SGPL1: variants seen among roughly 807,000 people sequenced by gnomAD.
SGPL1 encodes the protein sphingosine-1-phosphate lyase 1, also known as SP-lyase 1.
A neutral mutation model predicts 68.9 loss-of-function variants in SGPL1; 37 were observed. The observed-to-expected ratio is 0.54, with a 90% CI of 0.41 to 0.71. The LOEUF is 0.71. Ranked by LOEUF, SGPL1 falls within the 30% of genes least tolerant of loss-of-function variation. SGPL1 has a pLI of 0.00. For synonymous variants in SGPL1, 236 were observed against 248.5 expected (o/e 0.95, Z 0.47); for missense variants, 551 against 704.6 (o/e 0.78, Z 2.47).
At chr10:70,833,715 G>A (rs1323922078) in intron 2 of SGPL1, among the ~76,000 whole-genome samples, 1 of 152,112 alleles carries the variant, frequency 6.6e-6, no homozygotes, top group Non-Finnish European at 1.5e-5. Context: ...AGTCTCTTCT[G>A]TATTTTAACT....
rs999304976 is a variant in SGPL1 at position 70,880,415 on chromosome 10, T to G, written c.*3080T>G. 2 of 152,182 alleles carry G rather than the reference T, an allele frequency of 1.3e-5. No homozygotes were observed. Among genetic ancestry groups the G allele is most frequent in the African/African-American group, 2.4e-5 (1 of 41,418 alleles). The allele number at this position is 152,182 out of a possible 1,614,324, so 9.4% of individuals were successfully genotyped here. On this transcript the variant is annotated 3_prime_UTR_variant, in exon 15 of 15. Transcript: ENST00000373202. Reference sequence around the variant, plus strand: ...GGACAGGCCCTATCTTATATTTTTTTCCATCTTCATCATCCACTTCTGCTT... The same window carrying G: ...GGACAGGCCCTATCTTATATTTTTTGCCATCTTCATCATCCACTTCTGCTT...
chr10:70,846,593 A>T (rs1007073661), intron 3 of SGPL1, among the ~76,000 whole-genome samples: 1 of 152,128 alleles, frequency 6.6e-6, no homozygotes, highest in African/African-American at 2.4e-5. Context: ...ATAACTGCCC[A>T]TTACTCTCTC....
intron 3 of SGPL1, among the ~76,000 whole-genome samples, chr10:70,849,116 A>G (rs376459080): frequency 1.1e-4 from 16 of 152,162 alleles, no homozygotes; most frequent in African/African-American, 3.4e-4. Context: ...AAATTAGTTT[A>G]TTCTTTTATC....
chr10:70,832,148 G>A (rs79010869), intron 2 of SGPL1, among the ~76,000 whole-genome samples: 10,664 of 152,178 alleles, frequency 0.07, 487 homozygotes, highest in African/African-American at 0.1. Context: ...ACTCTTCCAA[G>A]TATTAATTTT....
At chr10:70,830,593 C>T (rs79016568) in intron 2 of SGPL1, among the ~76,000 whole-genome samples, 2 of 152,280 alleles carry the variant, frequency 1.3e-5, no homozygotes, top group African/African-American at 4.8e-5. Flanking sequence ...CTACAGGAGA[C>T]ACAGGATCTT....
At chr10:70,861,985 C>T (rs183312142) in intron 7 of SGPL1, among the ~76,000 whole-genome samples, 267 of 152,350 alleles carry the variant, frequency 1.8e-3, no homozygotes, top group African/African-American at 5.0e-3. Flanking sequence ...CCCTGCTCCA[C>T]GGCGCCCAGT....
chr10:70,834,907 A>G (rs887976821), intron 2 of SGPL1, among the ~76,000 whole-genome samples: 3 of 152,226 alleles, frequency 2.0e-5, no homozygotes, highest in Non-Finnish European at 2.9e-5. Context: ...GTAGGCCTCA[A>G]TGTCTTCATC....
chr10:70,875,674 A>G (rs1191361570), intron 13 of SGPL1, 126 bp downstream of exon 13: 3 of 649,758 alleles, frequency 4.6e-6, no homozygotes, highest in African/African-American at 3.6e-5. Context: ...ACTGTAGTAT[A>G]TAAAGGATTT....
At chr10:70,860,435 T>C (rs1253135730) in intron 7 of SGPL1, 2 of 468,794 alleles carry the variant, frequency 4.3e-6, no homozygotes, top group African/African-American at 4.0e-5. Flanking sequence ...GTTGGCGCCA[T>C]GAAAATCATC....
intron 13 of SGPL1, among the ~76,000 whole-genome samples, chr10:70,876,048 T>C (rs775590433): frequency 2.0e-4 from 30 of 152,160 alleles, no homozygotes; most frequent in Non-Finnish European, 4.0e-4. Context: ...CTTCCACACG[T>C]TGGTGCATTG....
chr10:70,837,178 A>G (rs1442942170), intron 2 of SGPL1, among the ~76,000 whole-genome samples: 1 of 151,814 alleles, frequency 6.6e-6, no homozygotes, highest in Non-Finnish European at 1.5e-5. Context: ...CCCAGGTTCA[A>G]GCGATTCTCA....
At chr10:70,834,262 G>GC (rs1264886094) in intron 2 of SGPL1, among the ~76,000 whole-genome samples, 5 of 152,174 alleles carry the variant, frequency 3.3e-5, no homozygotes, top group African/African-American at 1.2e-4. Flanking sequence ...GACCCAAGAA[G>GC]ATGATTCGTT....
intron 2 of SGPL1, among the ~76,000 whole-genome samples, chr10:70,829,612 A>C (rs536942961): frequency 6.6e-6 from 1 of 152,148 alleles, no homozygotes; most frequent in East Asian, 1.9e-4. Flanking sequence ...GAATTATCCC[A>C]ATGGCTTCTA....
At chr10:70,871,388 A>G (rs898030123) in intron 10 of SGPL1, among the ~76,000 whole-genome samples, 1 of 152,216 alleles carries the variant, frequency 6.6e-6, no homozygotes, top group African/African-American at 2.4e-5. Context: ...AAATTCTGAA[A>G]TAGGATTGCC....
intron 12 of SGPL1, among the ~76,000 whole-genome samples, chr10:70,873,794 G>T (rs1018118605): frequency 6.6e-6 from 1 of 152,186 alleles, no homozygotes; most frequent in Non-Finnish European, 1.5e-5. Flanking sequence ...ACTTTTGGAG[G>T]GTCTTTGAGA....
chr10:70,870,848 A>C (rs967533526), intron 9 of SGPL1, among the ~76,000 whole-genome samples, 200 bp from the exon 10 acceptor site: 1 of 152,146 alleles, frequency 6.6e-6, no homozygotes, highest in Non-Finnish European at 1.5e-5. Context: ...CTCTCAGACT[A>C]TTCTCCAAAT....
Position 70,815,952 on chromosome 10 carries a change from C to T in SGPL1, c.-218C>T, listed in dbSNP as rs1027772888. 2 of 151,272 alleles carry T rather than the reference C, an allele frequency of 1.3e-5. No homozygotes were observed. The highest frequency in any genetic ancestry group is 4.9e-5 in the African/African-American group (2 of 41,232). The allele number at this position is 151,272 out of a possible 1,614,324, so 9.4% of individuals were successfully genotyped here. On this transcript the variant is annotated 5_prime_UTR_variant, in exon 1 of 15. Transcript: ENST00000373202. The stretch of plus-strand genomic sequence containing the variant: ...CGGGCCGGTGCCCCCGGAGCCATTT[C>T]CGGGAGGGGCGAGGCCGGCGGCTGC...
intron 2 of SGPL1, among the ~76,000 whole-genome samples, chr10:70,838,010 C>T (rs1845653710): frequency 6.6e-6 from 1 of 152,194 alleles, no homozygotes; most frequent in Admixed American, 6.5e-5. Flanking sequence ...GAGGGCAGAA[C>T]CCTCCTGATC....
At position 70,877,540 on chromosome 10, in the gene SGPL1, C is replaced by A. The variant is rs898905016; in HGVS notation, c.*205C>A. 8 of 511,748 alleles carry A rather than the reference C, an allele frequency of 1.6e-5. No individual in the cohort carries two copies. Among genetic ancestry groups the A allele is most frequent in the Non-Finnish European group, 2.1e-5 (6 of 286,722 alleles). The allele number at this position is 511,748 out of a possible 1,614,324, so 31.7% of individuals were successfully genotyped here. On this transcript the variant is annotated 3_prime_UTR_variant, in exon 15 of 15. Coordinates refer to ENST00000373202, the MANE Select transcript of SGPL1 (RefSeq NM_003901.4). ...TTAATTTGAAGACCCCAGAGAATTC[C>A]ATTACATAATGATTTTGCCCTTGTT... is the stretch of plus-strand genomic sequence containing the variant.
Sources: allele counts gnomAD v4.1 joint callset (sites outside exome capture counted in the v4.1 genomes callset), GRCh38; gene constraint gnomAD v4.1.1; transcripts MANE v1.5; gene names NCBI Gene and HGNC (gene_info 2026-07-23, HGNC 2026-07-21).